SAMD12: variants seen among roughly 807,000 people sequenced by gnomAD.
The protein encoded by SAMD12 is sterile alpha motif domain-containing protein 12.
Under a neutral mutation model 15.0 loss-of-function variants are expected in SAMD12, and 9 were observed. The observed-to-expected ratio is 0.60, with a 90% CI of 0.36 to 1.05. SAMD12 has a LOEUF of 1.05. SAMD12 is among the 50% of genes least tolerant of loss of function. SAMD12 has a pLI of 0.01. For missense variants in SAMD12, 230 were observed against 234.2 expected, an observed-to-expected ratio of 0.98 and a Z score of 0.12; for synonymous variants, 86 against 90.1, an observed-to-expected ratio of 0.96 and a Z score of 0.25.
chr8:118,145,487 T>A, the SAMD12 span, among the ~76,000 whole-genome samples: 1 of 152,198 alleles, frequency 6.6e-6, no homozygotes, highest in East Asian at 1.9e-4. Context: ...GATCCTACTG[T>A]GTGTTGTTCT....
chr8:118,334,533 GA>G (rs1260399172), intron 4 of SAMD12, among the ~76,000 whole-genome samples: 2 of 151,860 alleles, frequency 1.3e-5, no homozygotes, highest in Non-Finnish European at 2.9e-5. Flanking sequence ...TTATTGTCAG[GA>G]AGTTCTTCTC....
intron 2 of SAMD12, among the ~76,000 whole-genome samples, chr8:118,468,821 T>C (rs560820756): frequency 6.6e-6 from 1 of 152,218 alleles, no homozygotes; most frequent in South Asian, 2.1e-4. Context: ...AGAAGGGAGG[T>C]ACAAAAAGCA....
chr8:118,576,956 C>T (rs1001369179), intron 2 of SAMD12, among the ~76,000 whole-genome samples: 2 of 152,104 alleles, frequency 1.3e-5, no homozygotes, highest in East Asian at 3.9e-4. Context: ...TGCTTGTACC[C>T]TCCTATAAAG....
At chr8:118,469,420 T>C (rs867337156) in intron 2 of SAMD12, among the ~76,000 whole-genome samples, 1 of 130,050 alleles carries the variant, frequency 7.7e-6, no homozygotes. Context: ...AGCACACCTA[T>C]CTTTAACCTT....
rs1816548893 is a variant in SAMD12 at position 118,326,057 on chromosome 8, TAGAG to T, written c.433+53499_433+53502del. Among the ~76,000 whole-genome samples, 3 of 152,166 alleles carry T rather than the reference TAGAG, an allele frequency of 2.0e-5. No homozygotes were observed. In the South Asian group the frequency reaches 6.2e-4, roughly 32 times the overall value. ...CAGCTGCTGAAGAATGATGTGAAAT[TAGAG>T]AGAATGAAATGTGTGATATTACTTA... On this transcript the variant is annotated intron_variant, in intron 4 of 4. Transcript: ENST00000409003.
At chr8:118,518,227 T>A (rs1175965046) in intron 2 of SAMD12, among the ~76,000 whole-genome samples, 1 of 152,114 alleles carries the variant, frequency 6.6e-6, no homozygotes, top group African/African-American at 2.4e-5. Flanking sequence ...ATACACAGAA[T>A]GGGTTTCCTA....
chr8:118,459,981 C>G (rs952116233), intron 2 of SAMD12, among the ~76,000 whole-genome samples: 1 of 152,192 alleles, frequency 6.6e-6, no homozygotes, highest in African/African-American at 2.4e-5. Context: ...AGGACCAGAA[C>G]CAATGGGAGA....
chr8:118,150,960 C>A, the SAMD12 span, among the ~76,000 whole-genome samples: 1 of 152,098 alleles, frequency 6.6e-6, no homozygotes, highest in South Asian at 2.1e-4. Flanking sequence ...GTAGTCCTAG[C>A]CTCTTGAGAG....
At chr8:118,235,203 T>C (rs372660851) in intron 4 of SAMD12, among the ~76,000 whole-genome samples, 1 of 151,888 alleles carries the variant, frequency 6.6e-6, no homozygotes, top group East Asian at 1.9e-4. Flanking sequence ...TAAATACATA[T>C]GATTATTATA....
intron 3 of SAMD12, among the ~76,000 whole-genome samples, 199 bp from the exon 4 acceptor site, chr8:118,379,899 CCTAA>C (rs541045625): frequency 8.6e-4 from 131 of 152,186 alleles, no homozygotes; most frequent in African/African-American, 3.0e-3. Context: ...AAAAGAGAAC[CCTAA>C]CTTTTAATTG....
intron 2 of SAMD12, among the ~76,000 whole-genome samples, chr8:118,527,273 G>A (rs4876418): frequency 0.58 from 87,923 of 152,008 alleles, 25,732 homozygotes; most frequent in South Asian, 0.7. Flanking sequence ...CCCTCATCAT[G>A]TTTCTCTTGG....
At chr8:118,148,197 G>A in the SAMD12 span, among the ~76,000 whole-genome samples, 21 of 152,084 alleles carry the variant, frequency 1.4e-4, no homozygotes, top group Admixed American at 9.2e-4. Flanking sequence ...GGGATTACAG[G>A]CATGAGCCAC....
At chr8:118,375,228 T>C (rs1042046510), downstream of SAMD12, among the ~76,000 whole-genome samples, 1 of 152,134 alleles carries the variant, frequency 6.6e-6, no homozygotes, top group Non-Finnish European at 1.5e-5. Flanking sequence ...CCATTTGACA[T>C]AATAAAGGCA....
chr8:118,226,387 G>C (rs1047354762), intron 4 of SAMD12, among the ~76,000 whole-genome samples: 1 of 152,170 alleles, frequency 6.6e-6, no homozygotes, highest in Non-Finnish European at 1.5e-5. Flanking sequence ...ACATGGATAA[G>C]TAATTATGGT....
At chr8:118,420,691 A>G (rs377364934) in intron 3 of SAMD12, among the ~76,000 whole-genome samples, 5 of 152,086 alleles carry the variant, frequency 3.3e-5, no homozygotes, top group African/African-American at 1.2e-4. Flanking sequence ...GGAATTTTAT[A>G]TTTTTTATTT....
At chr8:118,419,526 G>A (rs1175513408) in intron 3 of SAMD12, among the ~76,000 whole-genome samples, 1 of 152,174 alleles carries the variant, frequency 6.6e-6, no homozygotes, top group Non-Finnish European at 1.5e-5. Flanking sequence ...ACACTAAGTG[G>A]CTTCCCTTTT....
chr8:118,610,788 C>A (rs1285120665), intron 1 of SAMD12, among the ~76,000 whole-genome samples: 1 of 152,158 alleles, frequency 6.6e-6, no homozygotes, highest in Non-Finnish European at 1.5e-5. Flanking sequence ...GAGCTTCAGT[C>A]TCTCTCCCCA....
At chr8:118,279,195 A>G (rs1586414328) in intron 4 of SAMD12, among the ~76,000 whole-genome samples, 2 of 152,164 alleles carry the variant, frequency 1.3e-5, no homozygotes, top group South Asian at 2.1e-4. Context: ...AAAAAGCTCA[A>G]TTGCTCACCC....
the SAMD12 span, among the ~76,000 whole-genome samples, chr8:118,134,368 A>T: frequency 1.3e-5 from 2 of 152,230 alleles, no homozygotes; most frequent in Non-Finnish European, 2.9e-5. Flanking sequence ...AGTCACTATA[A>T]AGTGGTCTGG....
Sources: allele counts gnomAD v4.1 joint callset (sites outside exome capture counted in the v4.1 genomes callset), GRCh38; gene constraint gnomAD v4.1.1; transcripts MANE v1.5; gene names NCBI Gene and HGNC (gene_info 2026-07-23, HGNC 2026-07-21).